Variants in PDE1A observed in about 807,000 individuals in gnomAD.
PDE1A encodes dual specificity calcium/calmodulin-dependent 3',5'-cyclic nucleotide phosphodiesterase 1A.
PDE1A carries 35 observed loss-of-function variants against 61.7 expected under a neutral mutation model. The observed-to-expected ratio is 0.57, with a 90% CI of 0.43 to 0.75. The LOEUF is 0.75. PDE1A is among the 30% of genes least tolerant of loss of function. PDE1A has a pLI of 0.00. For synonymous variants in PDE1A, 232 were observed against 213.2 expected, an observed-to-expected ratio of 1.09 and a Z score of -0.77; for missense variants, 597 against 630.6, an observed-to-expected ratio of 0.95 and a Z score of 0.57.
intron 2 of PDE1A, among the ~76,000 whole-genome samples, chr2:182,441,780 C>A (rs62188269): frequency 2.6e-5 from 4 of 151,952 alleles, no homozygotes; most frequent in African/African-American, 9.7e-5. Flanking sequence ...AAAGAACATA[C>A]AAATGAGCTT....
At chr2:182,171,499 A>C (rs1692208767) in intron 13 of PDE1A, among the ~76,000 whole-genome samples, 1 of 151,876 alleles carries the variant, frequency 6.6e-6, no homozygotes, top group Non-Finnish European at 1.5e-5. Flanking sequence ...GAGAAGAGAG[A>C]TAGATAGAGA....
At position 182,233,999 on chromosome 2, in the gene PDE1A, A is replaced by G. The variant is rs1416481434; in HGVS notation, c.417+433T>C. Among the ~76,000 whole-genome samples the G allele has an allele frequency of 2.0e-5, 3 of 152,152 alleles. 1 individual carries two copies. The highest frequency in any genetic ancestry group is 1.9e-4 in the East Asian group (1 of 5,200). On this transcript the variant is annotated intron_variant, in intron 4 of 13. Transcript: ENST00000351439. ...TTACATTTTGTATTTTTTCAGACCTACAATCCTAAATAATTTCCTTCTGTA... is the reference window on the plus strand; with the variant it reads ...TTACATTTTGTATTTTTTCAGACCTGCAATCCTAAATAATTTCCTTCTGTA...
chr2:182,324,883 T>A (rs1397972934), intron 1 of PDE1A, among the ~76,000 whole-genome samples: 3 of 152,198 alleles, frequency 2.0e-5, no homozygotes, highest in African/African-American at 7.2e-5. Context: ...AACATTTAAG[T>A]GTTTATTACG....
At chr2:182,580,277 T>C in the PDE1A span, among the ~76,000 whole-genome samples, 1 of 152,124 alleles carries the variant, frequency 6.6e-6, no homozygotes, top group Admixed American at 6.6e-5. Flanking sequence ...GGTAGGAAGT[T>C]TAAATAACAG....
At chr2:182,383,245 T>C (rs537239311) in intron 1 of PDE1A, among the ~76,000 whole-genome samples, 14 of 152,348 alleles carry the variant, frequency 9.2e-5, no homozygotes, top group Non-Finnish European at 1.3e-4. Flanking sequence ...CTGAAGTTCT[T>C]GCAACCTTCT....
At chr2:182,209,323 C>G (rs368047323) in intron 7 of PDE1A, among the ~76,000 whole-genome samples, 1 of 151,874 alleles carries the variant, frequency 6.6e-6, no homozygotes, top group South Asian at 2.1e-4. Context: ...TTCACTATCA[C>G]GAGAACAGTA....
chr2:182,290,116 T>C (rs1208807160), intron 1 of PDE1A, among the ~76,000 whole-genome samples: 1 of 152,138 alleles, frequency 6.6e-6, no homozygotes, highest in African/African-American at 2.4e-5. Context: ...AAGTCTCTTT[T>C]ACTCTAAAGC....
At chr2:182,411,392 C>T (rs1702606479) in intron 1 of PDE1A, among the ~76,000 whole-genome samples, 1 of 152,160 alleles carries the variant, frequency 6.6e-6, no homozygotes. Flanking sequence ...AATTTACTTA[C>T]CTATTCTACT....
chr2:182,688,736 A>C, the PDE1A span, among the ~76,000 whole-genome samples: 12 of 152,218 alleles, frequency 7.9e-5, no homozygotes, highest in Non-Finnish European at 1.2e-4. Context: ...AGACTGGCAA[A>C]TTGGATAAAG....
At chr2:182,148,019 C>T (rs1690584546) in intron 13 of PDE1A, among the ~76,000 whole-genome samples, 1 of 152,132 alleles carries the variant, frequency 6.6e-6, no homozygotes, top group South Asian at 2.1e-4. Flanking sequence ...TTATAAGGTG[C>T]TATTACAAAA....
intron 2 of PDE1A, among the ~76,000 whole-genome samples, chr2:182,240,966 G>A (rs562675126): frequency 6.6e-6 from 1 of 152,288 alleles, no homozygotes; most frequent in Admixed American, 6.5e-5. Flanking sequence ...ACGGGGTGGA[G>A]CTCTCATGGG....
At chr2:182,652,280 A>G in the PDE1A span, among the ~76,000 whole-genome samples, 1 of 152,122 alleles carries the variant, frequency 6.6e-6, no homozygotes, top group African/African-American at 2.4e-5. Context: ...ACTCTTCCCT[A>G]TGACCTGTCT....
At chr2:182,527,303 T>TTAAAAAAAAA (rs1690785942), upstream of PDE1A, among the ~76,000 whole-genome samples, 1 of 22,842 alleles carries the variant, frequency 4.4e-5, no homozygotes, top group African/African-American at 2.0e-4. Context: ...CCTTTCTCTA[T>TTAAAAAAAAA]AAAAAAAAAA....
the PDE1A span, among the ~76,000 whole-genome samples, chr2:182,538,933 C>A: frequency 6.6e-6 from 1 of 152,170 alleles, no homozygotes; most frequent in Admixed American, 6.5e-5. Context: ...AGGTCCATAC[C>A]TAAGATTATG....
intron 13 of PDE1A, among the ~76,000 whole-genome samples, chr2:182,170,369 A>C (rs995011044): frequency 1.3e-5 from 2 of 152,108 alleles, no homozygotes; most frequent in African/African-American, 4.8e-5. Context: ...ACATTTAAAA[A>C]TAAAAATATC....
intron 1 of PDE1A, among the ~76,000 whole-genome samples, chr2:182,396,650 G>C (rs1258322748): frequency 6.6e-6 from 1 of 151,856 alleles, no homozygotes; most frequent in Non-Finnish European, 1.5e-5. Context: ...AAGATTTATT[G>C]ACTTCATGTC....
At chr2:182,632,444 A>G in the PDE1A span, among the ~76,000 whole-genome samples, 1 of 152,112 alleles carries the variant, frequency 6.6e-6, no homozygotes, top group South Asian at 2.1e-4. Context: ...AAAGATCAGC[A>G]TAATACTACT....
At chr2:182,485,507 C>A (rs1687962629) in intron 2 of PDE1A, among the ~76,000 whole-genome samples, 1 of 151,740 alleles carries the variant, frequency 6.6e-6, no homozygotes, top group Non-Finnish European at 1.5e-5. Flanking sequence ...ACCCCCAAAC[C>A]TAAAATAAAA....
rs187489164 is a variant in PDE1A at position 182,154,757 on chromosome 2, C to T, written c.1517-7605G>A. Among the ~76,000 whole-genome samples the T allele has an allele frequency of 5.3e-5, 8 of 152,240 alleles. No homozygotes were observed. In the East Asian group the frequency reaches 1.4e-3, roughly 26 times the overall value. ...ATAAATTACCTAGTCTCAAGTACGT[C>T]TTTATTAGCAGTGTGAGAACAGACT... On this transcript the variant is annotated intron_variant, in intron 13 of 13. Coordinates refer to the PDE1A transcript ENST00000409365.
Sources: gnomAD v4.1 joint callset for allele counts (sites outside exome capture counted in the v4.1 genomes callset) on GRCh38, gnomAD v4.1.1 for gene constraint, MANE v1.5 for transcripts, NCBI Gene and HGNC (gene_info 2026-07-23, HGNC 2026-07-21) for gene names.